JAM3: variants seen among roughly 807,000 people sequenced by gnomAD.
JAM3 encodes junctional adhesion molecule 3.
In JAM3, 31 loss-of-function variants were observed where a neutral mutation model predicts 39.4. The ratio of observed to expected loss-of-function variants is 0.79; its 90% CI spans 0.59 to 1.06. The LOEUF (loss-of-function observed/expected upper bound fraction) is 1.06. Ranked by LOEUF, JAM3 falls within the 50% of genes least tolerant of loss-of-function variation. The probability of loss-of-function intolerance (pLI) is 0.00; values close to 1 mark genes in which losing one functional copy is unlikely to be tolerated. For synonymous variants in JAM3, 182 were observed against 148.7 expected (o/e 1.22, Z -1.63); for missense variants, 455 against 391.4 (o/e 1.16, Z -1.37).
Position 134,069,160 on chromosome 11 carries a change from G to T in JAM3, c.76+1G>T. On this transcript the variant is annotated splice_donor_variant, in intron 1 of 8. Transcript: ENST00000299106. LOFTEE classifies it high-confidence loss of function. ...TTCTTCCTGCTGCTGCTTTTCAGGG[G>T]TGAGTTTGCGCGTTTCCGCTGTTGG... 1 of 1,612,734 alleles carries T rather than the reference G, an allele frequency of 6.2e-7. No homozygotes were observed.
intron 1 of JAM3, among the ~76,000 whole-genome samples, chr11:134,107,810 C>T (rs1047196498): frequency 1.3e-5 from 2 of 151,934 alleles, no homozygotes; most frequent in African/African-American, 4.8e-5. Context: ...CTACAGTGAG[C>T]TAATATTACG....
intron 1 of JAM3, among the ~76,000 whole-genome samples, chr11:134,078,538 T>C (rs1941610955): frequency 6.6e-6 from 1 of 152,234 alleles, no homozygotes; most frequent in South Asian, 2.1e-4. Context: ...CCCGACTTCC[T>C]TGTGAGACAT....
intron 1 of JAM3, among the ~76,000 whole-genome samples, chr11:134,118,151 A>G (rs564679292): frequency 6.6e-6 from 1 of 152,208 alleles, no homozygotes; most frequent in Non-Finnish European, 1.5e-5. Context: ...ACTGAACAAG[A>G]ATATGCCTTG....
chr11:134,079,381 C>T (rs1365083744), intron 1 of JAM3, among the ~76,000 whole-genome samples: 3 of 152,092 alleles, frequency 2.0e-5, no homozygotes, highest in East Asian at 1.9e-4. Context: ...GTAACTTTAC[C>T]GAGCTTTCCA....
intron 1 of JAM3, among the ~76,000 whole-genome samples, chr11:134,096,011 C>G (rs1403226484): frequency 6.6e-6 from 1 of 152,120 alleles, no homozygotes; most frequent in Non-Finnish European, 1.5e-5. Context: ...TGGAGCCTTA[C>G]TCTCACCCAG....
chr11:134,107,099 T>G (rs1942206462), intron 1 of JAM3, among the ~76,000 whole-genome samples: 1 of 152,186 alleles, frequency 6.6e-6, no homozygotes, highest in Non-Finnish European at 1.5e-5. Context: ...CCATCAATGA[T>G]AGACTGGATT....
intron 1 of JAM3, among the ~76,000 whole-genome samples, chr11:134,089,050 G>A (rs1941795726): frequency 6.6e-6 from 1 of 152,190 alleles, no homozygotes. Flanking sequence ...TGATCTGTGG[G>A]ACATTGAGAA....
intron 1 of JAM3, among the ~76,000 whole-genome samples, chr11:134,102,047 C>G (rs1031145764): frequency 6.6e-6 from 1 of 152,160 alleles, no homozygotes; most frequent in African/African-American, 2.4e-5. Flanking sequence ...AAGTGAGACC[C>G]TGTCTGTAAA....
chr11:134,134,788 A>G (rs922335659), intron 1 of JAM3, among the ~76,000 whole-genome samples: 1 of 152,276 alleles, frequency 6.6e-6, no homozygotes, highest in African/African-American at 2.4e-5. Flanking sequence ...TTTTCATGGT[A>G]TATCTTCTTT....
At chr11:134,112,749 G>C (rs998687226) in intron 1 of JAM3, among the ~76,000 whole-genome samples, 1 of 152,148 alleles carries the variant, frequency 6.6e-6, no homozygotes, top group African/African-American at 2.4e-5. Flanking sequence ...AACTCAAGTA[G>C]CAACTCCAGA....
chr11:134,124,041 C>T, intron 1 of JAM3: 1 of 1,439,448 alleles, frequency 6.9e-7, no homozygotes, highest in Non-Finnish European at 9.8e-7. Context: ...CACTGCAACA[C>T]AGCCACCTGG....
chr11:134,075,092 C>G (rs7358529), intron 1 of JAM3, among the ~76,000 whole-genome samples: 21,437 of 149,472 alleles, frequency 0.14, 1,604 homozygotes, highest in African/African-American at 0.18. Context: ...ATTTGGTAGT[C>G]TCCATTTTCA....
chr11:134,113,423 C>A (rs921360690), intron 1 of JAM3, among the ~76,000 whole-genome samples: 6 of 152,204 alleles, frequency 3.9e-5, no homozygotes, highest in East Asian at 1.9e-4. Flanking sequence ...ATTCCCACCT[C>A]TGAGTGAGAA....
Position 134,144,841 on chromosome 11 carries a change from C to T in JAM3, c.459C>T (p.Gly153=), listed in dbSNP as rs753603508. ...GAGTGCCGAAGGCTGTACCAGTAGG[C>T]AAGATGGCAACACTGCACTGCCAGG... ...VCRVPKAVPV[G]KMATLHCQES... Residue 153 remains glycine (G), a synonymous_variant, in exon 5 of 9, where the codon GGC becomes GGT. Transcript: ENST00000299106. 1 of 1,614,212 alleles carries T rather than the reference C, an allele frequency of 6.2e-7. No homozygotes were observed. The highest frequency in any genetic ancestry group is 8.5e-7 in the Non-Finnish European group (1 of 1,180,032).
At chr11:134,077,898 C>T (rs1001215173) in intron 1 of JAM3, among the ~76,000 whole-genome samples, 4 of 151,260 alleles carry the variant, frequency 2.6e-5, no homozygotes, top group Non-Finnish European at 5.9e-5. Flanking sequence ...GTGATCCGCC[C>T]GCCTCGGCTT....
rs1943235071 is a variant in JAM3, at chr11:134,151,533, AAGT to A, written c.*2355_*2357del. 6.6e-6 allele frequency: 1 copy of A among 152,216 alleles called. No homozygotes were observed. Among genetic ancestry groups the A allele is most frequent in the Non-Finnish European group, 1.5e-5 (1 of 68,048 alleles). The allele number at this position is 152,216 out of a possible 1,614,324, so 9.4% of individuals were successfully genotyped here. ...GGTCTGAAAAAGTAGAGAGAAGTGAAAGTAGAGTCTGGGAAGTAGCTGCCTATA... is the reference window on the plus strand; with the variant it reads ...GGTCTGAAAAAGTAGAGAGAAGTGAAAGAGTCTGGGAAGTAGCTGCCTATA... On this transcript the variant is annotated 3_prime_UTR_variant, in exon 9 of 9. Coordinates refer to ENST00000299106, the MANE Select transcript of JAM3 (RefSeq NM_032801.5).
At chr11:134,110,902 G>T (rs922514429) in intron 1 of JAM3, among the ~76,000 whole-genome samples, 1 of 152,018 alleles carries the variant, frequency 6.6e-6, no homozygotes, top group Non-Finnish European at 1.5e-5. Context: ...GGGCTCTGAT[G>T]TGTGGCCATG....
At chr11:134,082,391 G>C (rs904114375) in intron 1 of JAM3, among the ~76,000 whole-genome samples, 1 of 152,124 alleles carries the variant, frequency 6.6e-6, no homozygotes, top group East Asian at 1.9e-4. Context: ...AGGGGCCAGG[G>C]GTGGAATGAT....
At chr11:134,124,035 G>A (rs1591795933) in intron 1 of JAM3, 3 of 1,438,974 alleles carry the variant, frequency 2.1e-6, no homozygotes, top group East Asian at 4.6e-5. Context: ...ACAAGGCACT[G>A]CAACACAGCC....
Sources: allele counts gnomAD v4.1 joint callset (sites outside exome capture counted in the v4.1 genomes callset), GRCh38; gene constraint gnomAD v4.1.1; transcripts MANE v1.5; gene names NCBI Gene and HGNC (gene_info 2026-07-23, HGNC 2026-07-21).